Variants in HEATR4 observed in about 807,000 individuals in gnomAD.
HEATR4 encodes the protein HEAT repeat containing 4.
In HEATR4, 95 loss-of-function variants were observed where a neutral mutation model predicts 108.8. That is an observed-to-expected ratio of 0.87 (90% CI 0.74 to 1.04). The LOEUF (loss-of-function observed/expected upper bound fraction) is 1.04. Ranked by LOEUF, HEATR4 falls within the 50% of genes least tolerant of loss-of-function variation. HEATR4 has a pLI of 0.00. For missense variants in HEATR4, 1,152 were observed against 1,253.8 expected, an observed-to-expected ratio of 0.92 and a Z score of 1.23; for synonymous variants, 443 against 459.4, an observed-to-expected ratio of 0.96 and a Z score of 0.46.
chr14:73,508,862 T>TA (rs1215931024), intron 8 of HEATR4, among the ~76,000 whole-genome samples: 1 of 152,044 alleles, frequency 6.6e-6, no homozygotes, highest in African/African-American at 2.4e-5. Flanking sequence ...TCCTTTTTTT[T>TA]AGAGACAGGG....
the HEATR4 span, among the ~76,000 whole-genome samples, chr14:73,568,848 A>G: frequency 6.6e-6 from 1 of 152,058 alleles, no homozygotes; most frequent in East Asian, 1.9e-4. Context: ...ATATACAGAG[A>G]ACACAAAAGC....
chr14:73,615,388 T>TTAAA, the HEATR4 span, among the ~76,000 whole-genome samples: 1 of 63,338 alleles, frequency 1.6e-5, no homozygotes, highest in African/African-American at 1.0e-4. Context: ...CTCTGTCTGA[T>TTAAA]AAAAAAAAAA....
chr14:73,617,242 G>A, the HEATR4 span: 6 of 1,612,694 alleles, frequency 3.7e-6, no homozygotes, highest in Non-Finnish European at 5.1e-6. Flanking sequence ...TAGAGCTGAT[G>A]CAGGGCTGAA....
chr14:73,617,709 TA>T, the HEATR4 span, among the ~76,000 whole-genome samples: 10 of 152,128 alleles, frequency 6.6e-5, no homozygotes, highest in East Asian at 7.7e-4. Flanking sequence ...TATAAAGAGA[TA>T]TTTTTTGAGA....
At chr14:73,502,658 C>T (rs942560517) in intron 11 of HEATR4, among the ~76,000 whole-genome samples, 2 of 152,162 alleles carry the variant, frequency 1.3e-5, no homozygotes, top group Non-Finnish European at 2.9e-5. Flanking sequence ...AGCGATTCTC[C>T]TGTCTCAGCC....
At chr14:73,624,326 G>A in the HEATR4 span, among the ~76,000 whole-genome samples, 34 of 151,798 alleles carry the variant, frequency 2.2e-4, no homozygotes, top group Non-Finnish European at 3.2e-4. Context: ...ATGGGGTTTC[G>A]CCATGTTGCC....
the HEATR4 span, chr14:73,631,870 G>A: frequency 3.2e-5 from 5 of 156,800 alleles, no homozygotes; most frequent in East Asian, 3.6e-4. Flanking sequence ...ACAGCTCTTC[G>A]GCTCTGTGGC....
the HEATR4 span, among the ~76,000 whole-genome samples, chr14:73,568,644 C>G: frequency 6.6e-6 from 1 of 151,722 alleles, no homozygotes; most frequent in South Asian, 2.1e-4. Flanking sequence ...ATTAGCCGGG[C>G]GCGGTGGCTC....
the HEATR4 span, chr14:73,612,767 C>G: frequency 7.3e-7 from 1 of 1,372,042 alleles, no homozygotes; most frequent in East Asian, 3.1e-5. Flanking sequence ...GGAGCGCGCG[C>G]CCGCGCTGGG....
chr14:73,587,390 T>G, the HEATR4 span, among the ~76,000 whole-genome samples: 1 of 151,852 alleles, frequency 6.6e-6, no homozygotes, highest in Non-Finnish European at 1.5e-5. Context: ...TCTTGCTCTG[T>G]CACCCTAGCT....
At chr14:73,576,975 G>T in the HEATR4 span, among the ~76,000 whole-genome samples, 1 of 145,726 alleles carries the variant, frequency 6.9e-6, no homozygotes, top group Non-Finnish European at 1.5e-5. Context: ...CTGTTGCCCA[G>T]GCTGGAGTGC....
chr14:73,614,026 C>CAAAAAAAA, the HEATR4 span, among the ~76,000 whole-genome samples: 4 of 92,994 alleles, frequency 4.3e-5, no homozygotes, highest in Non-Finnish European at 6.4e-5. Flanking sequence ...TCTGTCTCTA[C>CAAAAAAAA]AAAAAAAAAA....
intron 10 of HEATR4, among the ~76,000 whole-genome samples, 185 bp from the exon 11 acceptor site, chr14:73,503,198 T>G (rs1230643479): frequency 2.0e-5 from 3 of 152,158 alleles, no homozygotes; most frequent in African/African-American, 7.2e-5. Context: ...CATTTACAGA[T>G]GATAGAATGG....
upstream of HEATR4, among the ~76,000 whole-genome samples, chr14:73,559,551 G>A (rs1380194167): frequency 2.0e-5 from 3 of 148,946 alleles, no homozygotes; most frequent in Non-Finnish European, 4.5e-5. Flanking sequence ...CCAACATGGT[G>A]AAACCCCATC....
the HEATR4 span, among the ~76,000 whole-genome samples, chr14:73,615,388 T>TAAAAAAAAAAAA: frequency 6.3e-5 from 4 of 63,318 alleles, no homozygotes; most frequent in African/African-American, 3.0e-4. Context: ...CTCTGTCTGA[T>TAAAAAAAAAAAA]AAAAAAAAAA....
rs1015185517 is a variant in HEATR4 at position 73,523,034 on chromosome 14, C to T, written c.119G>A (p.Cys40Tyr). The T allele has an allele frequency of 1.9e-6, 3 of 1,614,204 alleles. No individual in the cohort carries two copies. The Admixed American group carries it at 5.0e-5, about 27-fold the overall frequency. ...CATAGGCACACTGGAGACAGAGGCA[C>T]ACTCCTCCTTGCCTTTCAATTTTGA... ...NYSKLKGKEE[C>Y]ASVSSVPMVF... Residue 40 changes from cysteine to tyrosine, a missense_variant, in exon 3 of 18, where the codon TGT becomes TAT. Physicochemically the swap from Cys to Tyr is radical, Grantham distance 194. Coordinates refer to ENST00000553558, the MANE Select transcript of HEATR4 (RefSeq NM_001220484.1).
At position 73,503,348 on chromosome 14, in the gene HEATR4, G is replaced by A. The variant is rs947139777; in HGVS notation, c.1987-335C>T. Among the ~76,000 whole-genome samples, 4 of 152,320 alleles carry A rather than the reference G, an allele frequency of 2.6e-5. No homozygotes were observed. The East Asian group carries it at 7.7e-4, about 29-fold the overall frequency. ...TACCTGGGAGACTTAAAATTTGAAA[G>A]TGATACTTGATGAAGTGACTAGCTC... On this transcript the variant is annotated intron_variant, in intron 10 of 17. Coordinates refer to ENST00000553558, the MANE Select transcript of HEATR4 (RefSeq NM_001220484.1).
the HEATR4 span, among the ~76,000 whole-genome samples, chr14:73,631,264 G>C: frequency 6.6e-6 from 1 of 152,056 alleles, no homozygotes; most frequent in Non-Finnish European, 1.5e-5. Context: ...TTTTAATTAA[G>C]ATAGAATAGT....
At chr14:73,559,110 A>G (rs1277346723), upstream of HEATR4, among the ~76,000 whole-genome samples, 1 of 151,964 alleles carries the variant, frequency 6.6e-6, no homozygotes, top group Non-Finnish European at 1.5e-5. Context: ...TTGATTATTT[A>G]TTGAATGGTA....
Sources: allele counts gnomAD v4.1 joint callset (sites outside exome capture counted in the v4.1 genomes callset), GRCh38; gene constraint gnomAD v4.1.1; transcripts MANE v1.5; gene names NCBI Gene and HGNC (gene_info 2026-07-23, HGNC 2026-07-21).